FBXL2: variants seen among roughly 807,000 people sequenced by gnomAD.
FBXL2 encodes F-box and leucine rich repeat protein 2.
FBXL2 carries 38 observed loss-of-function variants against 69.2 expected under a neutral mutation model. That is an observed-to-expected ratio of 0.55 (90% CI 0.42 to 0.72). FBXL2 has a LOEUF of 0.72. Ranked by LOEUF, FBXL2 falls within the 30% of genes least tolerant of loss-of-function variation. The probability of loss-of-function intolerance (pLI) is 0.00; values close to 1 mark genes in which losing one functional copy is unlikely to be tolerated. For synonymous variants in FBXL2, 192 were observed against 201.3 expected, an observed-to-expected ratio of 0.95 and a Z score of 0.39; for missense variants, 354 against 520.3, an observed-to-expected ratio of 0.68 and a Z score of 3.11.
intron 2 of FBXL2, among the ~76,000 whole-genome samples, chr3:33,313,084 C>A (rs2037356306): frequency 6.7e-6 from 1 of 150,350 alleles, no homozygotes; most frequent in Admixed American, 6.6e-5. Context: ...TGTGCCACTG[C>A]ACTCAGCCTG....
intron 2 of FBXL2, among the ~76,000 whole-genome samples, chr3:33,305,792 G>A (rs78326343): frequency 0.016 from 2,449 of 151,604 alleles, 29 homozygotes; most frequent in Non-Finnish European, 0.027. Flanking sequence ...TATTTTTCTA[G>A]GAGTGTGTCC....
At chr3:33,341,138 C>G (rs1053777544) in intron 2 of FBXL2, among the ~76,000 whole-genome samples, 11 of 152,072 alleles carry the variant, frequency 7.2e-5, no homozygotes, top group African/African-American at 2.7e-4. Context: ...TTATGTGCCT[C>G]CTGATGAAAA....
At chr3:33,315,225 C>T (rs2037571606) in intron 2 of FBXL2, among the ~76,000 whole-genome samples, 2 of 149,882 alleles carry the variant, frequency 1.3e-5, no homozygotes, top group African/African-American at 2.5e-5. Context: ...CTTTCCTTTC[C>T]TTTTTTTTCT....
At chr3:33,384,888 T>C (rs1472832311) in intron 14 of FBXL2, among the ~76,000 whole-genome samples, 2 of 151,978 alleles carry the variant, frequency 1.3e-5, no homozygotes. Flanking sequence ...ATATAAAAAT[T>C]AGCTGGCTGC....
intron 1 of FBXL2, chr3:33,278,370 C>T (rs1216699686): frequency 1.3e-5 from 2 of 152,128 alleles, no homozygotes; most frequent in Non-Finnish European, 2.9e-5. Context: ...GGGGACACAC[C>T]CTTGGTATAG....
At chr3:33,308,822 A>G (rs2036935625) in intron 2 of FBXL2, among the ~76,000 whole-genome samples, 3 of 152,056 alleles carry the variant, frequency 2.0e-5, no homozygotes, top group Non-Finnish European at 4.4e-5. Context: ...AAGATTTTTG[A>G]TAGTTTCCTC....
intron 2 of FBXL2, among the ~76,000 whole-genome samples, chr3:33,302,263 G>A (rs77851401): frequency 0.13 from 19,364 of 152,144 alleles, 1,325 homozygotes; most frequent in African/African-American, 0.17. Flanking sequence ...TTCAATCTCA[G>A]TAGAAATTGC....
rs1035487613 is a variant in FBXL2, at chr3:33,364,445, T to C, written c.196-180T>C. 39 of 620,938 alleles carry C rather than the reference T, an allele frequency of 6.3e-5. No homozygotes were observed. The African/African-American group carries it at 7.2e-4, about 11-fold the overall frequency. The allele number at this position is 620,938 out of a possible 1,614,324, so 38.5% of individuals were successfully genotyped here. A position where few individuals can be genotyped will look rare whatever the true frequency, so the allele number is the denominator to read the frequency against. ...CTTAATGCTTTAATTGGACCATTTT[T>C]CAGTGCTTGCAGCCCCTGTATGCAT... On this transcript the variant is annotated intron_variant, in intron 4 of 14. Transcript: ENST00000484457.
chr3:33,384,509 CCAGACTGCACCACTGCACTT>C (rs1021615407), intron 14 of FBXL2, among the ~76,000 whole-genome samples: 13 of 151,972 alleles, frequency 8.6e-5, no homozygotes, highest in Middle Eastern at 3.4e-3. Context: ...TGCAGTGAGC[CCAGACTGCACCACTGCACTT>C]CAGCCTGCAC....
Position 33,386,423 on chromosome 3 carries a change from C to CTTAAG in FBXL2, c.*819_*823dup, listed in dbSNP as rs1287577470. 2 of 151,812 alleles carry CTTAAG rather than the reference C, an allele frequency of 1.3e-5. No homozygotes were observed. Among genetic ancestry groups the CTTAAG allele is most frequent in the African/African-American group, 4.8e-5 (2 of 41,318 alleles). 9.4% of individuals were successfully genotyped at this position (151,812 alleles called of 1,614,324 possible). ...GAACCTTAAAGAGAAAGAACTAAGG[C>CTTAAG]TTAAGTTATCTGTAGTATAATCAAT... On this transcript the variant is annotated 3_prime_UTR_variant, in exon 15 of 15. Transcript: ENST00000484457.
chr3:33,281,123 A>C (rs569686156), intron 1 of FBXL2, among the ~76,000 whole-genome samples: 1 of 152,328 alleles, frequency 6.6e-6, no homozygotes, highest in South Asian at 2.1e-4. Context: ...GTATGTATAC[A>C]TGGGCCATGT....
At chr3:33,318,990 C>G (rs1006934340) in intron 2 of FBXL2, among the ~76,000 whole-genome samples, 1 of 152,162 alleles carries the variant, frequency 6.6e-6, no homozygotes, top group Non-Finnish European at 1.5e-5. Context: ...ATTTGGTGAG[C>G]AGCTAGCAGT....
intron 2 of FBXL2, among the ~76,000 whole-genome samples, chr3:33,308,934 A>G (rs932742557): frequency 2.0e-5 from 3 of 152,208 alleles, no homozygotes; most frequent in Non-Finnish European, 4.4e-5. Context: ...GTGATTAGAA[A>G]ACGTATTTGA....
At chr3:33,410,726 CTTA>C in the FBXL2 span, among the ~76,000 whole-genome samples, 13 of 152,032 alleles carry the variant, frequency 8.6e-5, no homozygotes, top group Non-Finnish European at 1.9e-4. Flanking sequence ...AAACTCATCT[CTTA>C]GAGACATGAT....
chr3:33,383,900 G>C (rs537234898), intron 13 of FBXL2, 89 bp from the exon 14 acceptor site: 1 of 1,260,096 alleles, frequency 7.9e-7, no homozygotes, highest in Non-Finnish European at 1.1e-6. Context: ...ATTGCAGAAG[G>C]GCAAAAAGGC....
rs549570047 is a variant in FBXL2, at chr3:33,287,586, C to T, written c.3+10071C>T. Among the ~76,000 whole-genome samples the T allele has an allele frequency of 2.0e-5, 3 of 152,280 alleles. No homozygotes were observed. In the East Asian group the frequency reaches 5.8e-4, roughly 29 times the overall value. ...GAATTCTTGGGCTCAAGCAGTCCTC[C>T]CACTTCATCCTCCCAAAGTGCTGGG... On this transcript the variant is annotated intron_variant, in intron 1 of 14. Coordinates refer to ENST00000484457, the MANE Select transcript of FBXL2 (RefSeq NM_012157.5).
intron 12 of FBXL2, chr3:33,396,524 A>G (rs1053689697): frequency 2.1e-6 from 1 of 486,226 alleles, no homozygotes; most frequent in African/African-American, 1.9e-5. Flanking sequence ...ATGCTGGTAA[A>G]TTTAAGTTTC....
rs1317203400 is a variant in FBXL2, at chr3:33,384,077, A to G, written c.1040A>G (p.Glu347Gly). The G allele has an allele frequency of 4.3e-6, 7 of 1,614,030 alleles. No homozygotes were observed. The highest frequency in any genetic ancestry group is 5.9e-6 in the Non-Finnish European group (7 of 1,180,030). ...GGCCATGAGAGGCTGCGGGTACTGG[A>G]GTTGGACAACTGCCTCCTCATCACT... Reference protein sequence around the residue: ...TCGHERLRVLELDNCLLITDV... With the variant: ...TCGHERLRVLGLDNCLLITDV... Residue 347 changes from glutamate to glycine, a missense_variant, in exon 14 of 15, where the codon GAG (glutamate) becomes GGG (glycine). Coordinates refer to ENST00000484457, the MANE Select transcript of FBXL2 (RefSeq NM_012157.5).
At chr3:33,382,084 A>G (rs1448437994) in intron 13 of FBXL2, among the ~76,000 whole-genome samples, 4 of 152,034 alleles carry the variant, frequency 2.6e-5, no homozygotes, top group Non-Finnish European at 5.9e-5. Flanking sequence ...AGATTTTTTT[A>G]TTCTGCAGGA....
Sources: gnomAD v4.1 joint callset for allele counts (sites outside exome capture counted in the v4.1 genomes callset) on GRCh38, gnomAD v4.1.1 for gene constraint, MANE v1.5 for transcripts, NCBI Gene and HGNC (gene_info 2026-07-23, HGNC 2026-07-21) for gene names.